SLC5A8: variants seen among roughly 807,000 people sequenced by gnomAD.
SLC5A8 encodes the protein solute carrier family 5 member 8, also known as sodium-coupled monocarboxylate transporter 1.
A neutral mutation model predicts 71.9 loss-of-function variants in SLC5A8; 55 were observed. The ratio of observed to expected loss-of-function variants is 0.77; its 90% CI spans 0.62 to 0.96. SLC5A8 has a LOEUF of 0.96. SLC5A8 is among the 40% of genes least tolerant of loss of function. The pLI is 0.00. For missense variants in SLC5A8, 701 were observed against 745.3 expected, an observed-to-expected ratio of 0.94 and a Z score of 0.69; for synonymous variants, 307 against 276.1, an observed-to-expected ratio of 1.11 and a Z score of -1.11.
chr12:101,165,180 A>C (rs2137124448), intron 12 of SLC5A8, among the ~76,000 whole-genome samples: 1 of 152,284 alleles, frequency 6.6e-6, no homozygotes, highest in South Asian at 2.1e-4. Context: ...CCATGCTCAA[A>C]AATTCTTGTT....
rs775000778 is a variant in SLC5A8 at position 101,190,480 on chromosome 12, A to C, written c.821T>G (p.Phe274Cys). Residue 274 changes from phenylalanine (F) to cysteine (C), a missense_variant, in exon 6 of 15, where the codon TTC becomes TGC. Physicochemically the swap from Phe to Cys is radical, Grantham distance 205. Transcript: ENST00000536262. The part of the protein sequence containing the change: ...VQRYISCKSR[F>C]QAKLSLYINL... ...GTGTGTGACTTACAGTTTTGCCTGGAATCTGCTTTTACAAGAAATATATCT... is the reference window on the plus strand; with the variant it reads ...GTGTGTGACTTACAGTTTTGCCTGGCATCTGCTTTTACAAGAAATATATCT... 10 of 1,612,434 alleles carry C rather than the reference A, an allele frequency of 6.2e-6. No homozygotes were observed. The South Asian group carries it at 1.1e-4, about 18-fold the overall frequency.
At chr12:101,203,822 T>C (rs1869558538) in intron 2 of SLC5A8, among the ~76,000 whole-genome samples, 1 of 152,222 alleles carries the variant, frequency 6.6e-6, no homozygotes, top group Non-Finnish European at 1.5e-5. Context: ...CGGTGAACAG[T>C]GGAAAGCATT....
In SLC5A8 at chr12:101,190,603, T is replaced by C; in HGVS notation, c.698A>G (p.Asn233Ser). The part of the protein sequence containing the change: ...DGGRLNFWNF[N>S]PNPLQRHTFW... ...GGTGTGTCTTTGCAAAGGGTTAGGATTAAAACTAAATGACAAGAAACAGAA... is the reference window on the plus strand; with the variant it reads ...GGTGTGTCTTTGCAAAGGGTTAGGACTAAAACTAAATGACAAGAAACAGAA... Residue 233 changes from asparagine to serine, a missense_variant, in exon 6 of 15, where the codon AAT becomes AGT. Physicochemically the swap from Asn to Ser is conservative, Grantham distance 46. Transcript: ENST00000536262. 1 of 1,596,998 alleles carries C rather than the reference T, an allele frequency of 6.3e-7. No homozygotes were observed. The highest frequency in any genetic ancestry group is 2.3e-5 in the East Asian group (1 of 44,198).
At chr12:101,164,067 A>C (rs1255806431) in intron 12 of SLC5A8, among the ~76,000 whole-genome samples, 1 of 152,392 alleles carries the variant, frequency 6.6e-6, no homozygotes, top group East Asian at 1.9e-4. Flanking sequence ...AGGATTTCTT[A>C]AACAAGACAC....
At chr12:101,173,825 C>A (rs2051854292) in intron 10 of SLC5A8, among the ~76,000 whole-genome samples, 1 of 152,202 alleles carries the variant, frequency 6.6e-6, no homozygotes, top group South Asian at 2.1e-4. Flanking sequence ...CATCACAGTG[C>A]CAAGATCCTT....
At chr12:101,169,584 C>T (rs2051808469) in intron 10 of SLC5A8, among the ~76,000 whole-genome samples, 1 of 152,134 alleles carries the variant, frequency 6.6e-6, no homozygotes, top group South Asian at 2.1e-4. Context: ...GAAGAAAGAT[C>T]CTGGAGGACC....
At chr12:101,199,303 C>T (rs1869334451) in intron 3 of SLC5A8, 1 of 151,816 alleles carries the variant, frequency 6.6e-6, no homozygotes, top group African/African-American at 2.4e-5. Flanking sequence ...ATTTGCATAT[C>T]ATTTTTGTGC....
intron 3 of SLC5A8, among the ~76,000 whole-genome samples, chr12:101,196,117 A>G (rs912894115): frequency 1.3e-5 from 2 of 152,070 alleles, no homozygotes; most frequent in Non-Finnish European, 2.9e-5. Context: ...CAAGCCTAGT[A>G]CCCATTAAAC....
Position 101,209,365 on chromosome 12 carries a change from G to A in SLC5A8, c.351+133C>T, listed in dbSNP as rs1047645321. The A allele has an allele frequency of 1.5e-5, 10 of 672,368 alleles. No individual in the cohort carries two copies. In the Admixed American group the frequency reaches 1.5e-4, roughly 10 times the overall value. 41.7% of individuals were successfully genotyped at this position (672,368 alleles called of 1,614,324 possible). A position where few individuals can be genotyped will look rare whatever the true frequency, so the allele number is the denominator to read the frequency against. On this transcript the variant is annotated intron_variant, in intron 1 of 14. Coordinates refer to ENST00000536262, the MANE Select transcript of SLC5A8 (RefSeq NM_145913.5). ...GGGGGACGGGGAGGAGTGAAGGGAG[G>A]GTGATGATGACGATGGACGGGGAGA...
intron 14 of SLC5A8, 138 bp downstream of exon 14, chr12:101,158,111 A>T (rs988760291): frequency 3.0e-6 from 2 of 671,018 alleles, no homozygotes; most frequent in Non-Finnish European, 5.2e-6. Flanking sequence ...TATCCAACAT[A>T]TATAGATCAT....
At chr12:101,181,237 G>A (rs548761081) in intron 9 of SLC5A8, among the ~76,000 whole-genome samples, 2 of 152,138 alleles carry the variant, frequency 1.3e-5, no homozygotes, top group African/African-American at 4.8e-5. Flanking sequence ...AGTTCTCATT[G>A]CTATGATTTT....
intron 13 of SLC5A8, 68 bp downstream of exon 13, chr12:101,161,906 C>A: frequency 9.2e-7 from 1 of 1,082,666 alleles, no homozygotes; most frequent in Non-Finnish European, 1.4e-6. Flanking sequence ...ACATAAATAG[C>A]TATAAAACAG....
chr12:101,195,284 C>T (rs1033563427), intron 3 of SLC5A8, 122 bp from the exon 4 acceptor site: 3 of 959,810 alleles, frequency 3.1e-6, no homozygotes, highest in African/African-American at 1.6e-5. Context: ...ACCCACTTGC[C>T]TAAAGCTAAA....
In SLC5A8 at chr12:101,162,980, G is replaced by C. The variant is rs182701538; in HGVS notation, c.1527-903C>G. ...GATGTGCTATTAACAGGGTGAAGAGGGAGGAACTACACTACAAGTGGTCAG... is the reference window on the plus strand; with the variant it reads ...GATGTGCTATTAACAGGGTGAAGAGCGAGGAACTACACTACAAGTGGTCAG... On this transcript the variant is annotated intron_variant, in intron 12 of 14. Transcript: ENST00000536262. Among the ~76,000 whole-genome samples, 28 of 152,220 alleles carry C rather than the reference G, an allele frequency of 1.8e-4. No homozygotes were observed. In the East Asian group the frequency reaches 4.4e-3, roughly 24 times the overall value.
intron 2 of SLC5A8, 29 bp downstream of exon 2, chr12:101,204,471 A>G (rs764439261): frequency 6.4e-7 from 1 of 1,564,004 alleles, no homozygotes; most frequent in Non-Finnish European, 8.7e-7. Context: ...TTAGCTGACA[A>G]AAGATAAAAT....
chr12:101,173,347 A>C (rs1420358201), intron 10 of SLC5A8, among the ~76,000 whole-genome samples: 1 of 152,074 alleles, frequency 6.6e-6, no homozygotes, highest in Non-Finnish European at 1.5e-5. Context: ...CTCTTCATGG[A>C]CCATATGGTG....
intron 3 of SLC5A8, among the ~76,000 whole-genome samples, chr12:101,197,255 A>G (rs527388923): frequency 1.3e-5 from 2 of 152,228 alleles, no homozygotes; most frequent in Non-Finnish European, 2.9e-5. Context: ...TCTTTATAGC[A>G]GTATTCCATC....
At chr12:101,164,180 AC>A (rs1465891777) in intron 12 of SLC5A8, among the ~76,000 whole-genome samples, 5 of 152,164 alleles carry the variant, frequency 3.3e-5, no homozygotes, top group Admixed American at 6.6e-5. Flanking sequence ...TAAAAAGGTA[AC>A]CCATAGAATG....
chr12:101,164,571 C>T lies in SLC5A8; in HGVS notation c.1526+1923G>A, dbSNP rs114683424. On this transcript the variant is annotated intron_variant, in intron 12 of 14. Transcript: ENST00000536262. ...GGAACTAGGATGATTTCCTAAGATG[C>T]CCTGATTCTTCAGTCCTTCATGCTT... is the stretch of plus-strand genomic sequence containing the variant. Among the ~76,000 whole-genome samples the T allele has an allele frequency of 1.2e-3, 181 of 152,256 alleles. 1 individual carries two copies. The highest frequency in any genetic ancestry group is 4.1e-3 in the African/African-American group (171 of 41,564).
Sources: gnomAD v4.1 joint callset for allele counts (sites outside exome capture counted in the v4.1 genomes callset) on GRCh38, gnomAD v4.1.1 for gene constraint, MANE v1.5 for transcripts, NCBI Gene and HGNC (gene_info 2026-07-23, HGNC 2026-07-21) for gene names.